PCDH8: variants seen among roughly 807,000 people sequenced by gnomAD.
PCDH8 encodes protocadherin-8.
Under a neutral mutation model 58.2 loss-of-function variants are expected in PCDH8, and 36 were observed. The ratio of observed to expected loss-of-function variants is 0.62; its 90% confidence interval spans 0.47 to 0.82. The LOEUF (loss-of-function observed/expected upper bound fraction) is 0.82. Among genes scored for constraint, PCDH8 ranks in the 40% least tolerant of loss-of-function variants. The pLI is 0.00. For synonymous variants in PCDH8, 775 were observed against 728.9 expected (o/e 1.06, Z -1.02); for missense variants, 1,493 against 1,567.8 (o/e 0.95, Z 0.81).
In PCDH8 at chr13:52,843,778, A is replaced by T. The variant is rs373026343; in HGVS notation, c.*782T>A. ...TATAGACTAATACATATGGAGATGCACATAATTTATGAAATCAACACACGT... is the reference window on the plus strand; with the variant it reads ...TATAGACTAATACATATGGAGATGCTCATAATTTATGAAATCAACACACGT... On this transcript the variant is annotated 3_prime_UTR_variant, in exon 3 of 3. Transcript: ENST00000377942. 1 of 152,244 alleles carries T rather than the reference A, an allele frequency of 6.6e-6. No homozygotes were observed. Among genetic ancestry groups the T allele is most frequent in the Non-Finnish European group, 1.5e-5 (1 of 68,038 alleles). 9.4% of individuals were successfully genotyped at this position (152,244 alleles called of 1,614,324 possible). A position where few individuals can be genotyped will look rare whatever the true frequency, so the allele number is the denominator to read the frequency against.
rs374933821 is a variant in PCDH8 at position 52,844,591 on chromosome 13, G to A, written c.3182C>T (p.Ser1061Phe). The change falls in exon 3 of 3, where the codon TCC becomes TTC. Residue 1061 changes from serine to phenylalanine, a missense_variant. Around this residue, in one of 3 missense-constraint regions of PCDH8, gnomAD observed 182 missense variants for 178.9 expected, o/e 1.02. Coordinates refer to ENST00000377942, the MANE Select transcript of PCDH8 (RefSeq NM_002590.4). Reference sequence around the variant, plus strand: ...ATTTTCATTGGCTCCCTTCTTCGGGGACAGGTACCTGCCAGGAGGGGACTG... The same window carrying A: ...ATTTTCATTGGCTCCCTTCTTCGGGAACAGGTACCTGCCAGGAGGGGACTG... ...LYQSPPGRYL[S>F]PKKGANENV 1.7e-5 allele frequency: 28 copies of A among 1,604,244 alleles called. No homozygotes were observed. In the African/African-American group the frequency reaches 2.8e-4, roughly 16 times the overall value.
chr13:52,846,660 C>T lies in PCDH8; in HGVS notation c.1777G>A (p.Ala593Thr). 6.2e-7 allele frequency: 1 copy of T among 1,602,648 alleles called. No individual in the cohort carries two copies. Residue 593 changes from alanine (A) to threonine (T), a missense_variant, in exon 1 of 3, where the codon GCC becomes ACC. By Grantham distance (58) the Ala-to-Thr change is moderately conservative. Around this residue, in one of 3 missense-constraint regions of PCDH8, gnomAD observed 1,307 missense variants for 1,362.7 expected, o/e 0.96. Coordinates refer to ENST00000377942, the MANE Select transcript of PCDH8 (RefSeq NM_002590.4). ...TCCAGCACGCGCACTTGCACTAGGGCGCTGCTGGAAAGCTGAGGGGAGCCG... is the reference window on the plus strand; with the variant it reads ...TCCAGCACGCGCACTTGCACTAGGGTGCTGCTGGAAAGCTGAGGGGAGCCG... ...DGGSPQLSSSALVQVRVLDQN... is the reference protein window; with the variant it reads ...DGGSPQLSSSTLVQVRVLDQN...
At position 52,847,929 on chromosome 13, in the gene PCDH8, G is replaced by A; in HGVS notation, c.508C>T (p.Gln170Ter). 1 of 1,603,468 alleles carries A rather than the reference G, an allele frequency of 6.2e-7. No individual in the cohort carries two copies. Among genetic ancestry groups the A allele is most frequent in the Non-Finnish European group, 8.5e-7 (1 of 1,177,046 alleles). ...VDEDVGANGLQTVRLAEPHSP... is the reference protein window; with the variant it reads ...VDEDVGANGL ...TGCGGCTCGGCCAGGCGCACGGTCTGCAGCCCGTTGGCGCCCACGTCCTCG... is the reference window on the plus strand; with the variant it reads ...TGCGGCTCGGCCAGGCGCACGGTCTACAGCCCGTTGGCGCCCACGTCCTCG... The change falls in exon 1 of 3, where the codon CAG becomes TAG. Residue 170 changes from glutamine to a stop codon, truncating the protein, a stop_gained. Coordinates refer to ENST00000377942, the MANE Select transcript of PCDH8 (RefSeq NM_002590.4). LOFTEE classifies it high-confidence loss of function.
Position 52,842,960 on chromosome 13 carries a change from G to T in PCDH8, c.*1600C>A, listed in dbSNP as rs1397182338. ...ATCTCACCCTGGATACTTATTAGCT[G>T]TGTGATTTTTGGCATTTTATCTAAC... On this transcript the variant is annotated 3_prime_UTR_variant, in exon 3 of 3. Coordinates refer to ENST00000377942, the MANE Select transcript of PCDH8 (RefSeq NM_002590.4). 6.6e-6 allele frequency: 1 copy of T among 151,906 alleles called. No individual in the cohort carries two copies. Among genetic ancestry groups the T allele is most frequent in the African/African-American group, 2.4e-5 (1 of 41,348 alleles). The allele number at this position is 151,906 out of a possible 1,614,324, so 9.4% of individuals were successfully genotyped here. A position where few individuals can be genotyped will look rare whatever the true frequency, so the allele number is the denominator to read the frequency against.
chr13:52,847,594 C>T lies in PCDH8; in HGVS notation c.843G>A (p.Val281=). 2 of 1,567,162 alleles carry T rather than the reference C, an allele frequency of 1.3e-6. No homozygotes were observed. Among genetic ancestry groups the T allele is most frequent in the Non-Finnish European group, 8.6e-7 (1 of 1,164,662 alleles). ...GGGTGCGGGCGCCAAATGCGAACACCACGTCGCCGTTAGGTCCCTCGTCGG... is the reference window on the plus strand; with the variant it reads ...GGGTGCGGGCGCCAAATGCGAACACTACGTCGCCGTTAGGTCCCTCGTCGG... ...ADPDEGPNGD[V]VFAFGARTPP... The change falls in exon 1 of 3, where the codon GTG becomes GTA. Residue 281 remains valine (V), a synonymous_variant. Transcript: ENST00000377942.
At position 52,847,037 on chromosome 13, in the gene PCDH8, A is replaced by G. The variant is rs775666134; in HGVS notation, c.1400T>C (p.Leu467Pro). 1 of 1,567,192 alleles carries G rather than the reference A, an allele frequency of 6.4e-7. No individual in the cohort carries two copies. Among genetic ancestry groups the G allele is most frequent in the Non-Finnish European group, 8.6e-7 (1 of 1,158,530 alleles). The change falls in exon 1 of 3, where the codon CTG becomes CCG. Residue 467 changes from leucine (L) to proline (P), a missense_variant. By Grantham distance (98) the Leu-to-Pro change is moderately conservative. Coordinates refer to ENST00000377942, the MANE Select transcript of PCDH8 (RefSeq NM_002590.4). ...GGGCGCGCCGCGATCCTCGGCCACC[A>G]GCGTCAAGTTGTACTCGGCGATGCG... ...RERIAEYNLT[L>P]VAEDRGAPPL...
In PCDH8 at chr13:52,845,929, C is replaced by G. The variant is rs1965724043; in HGVS notation, c.2508G>C (p.Ala836=). 1 of 1,483,416 alleles carries G rather than the reference C, an allele frequency of 6.7e-7. No homozygotes were observed. Among genetic ancestry groups the G allele is most frequent in the African/African-American group, 1.5e-5 (1 of 67,972 alleles). The allele number at this position is 1,483,416 out of a possible 1,614,324, so 91.9% of individuals were successfully genotyped here. ...CGACCGCAGGCGGAGGCGCGTCCGC[C>G]GCGGGGCTGCCAAAGGGCGCTTTGC... The part of the protein sequence containing the change: ...GTGKAPFGSP[A]ADAPPPAVAA... The change falls in exon 1 of 3, where the codon GCG becomes GCC. Residue 836 remains alanine (A), a synonymous_variant. Coordinates refer to ENST00000377942, the MANE Select transcript of PCDH8 (RefSeq NM_002590.4).
chr13:52,848,117 T>A lies in PCDH8; in HGVS notation c.320A>T (p.Asp107Val), dbSNP rs1305118901. The A allele has an allele frequency of 1.2e-6, 2 of 1,612,522 alleles. No homozygotes were observed. Among genetic ancestry groups the A allele is most frequent in the Non-Finnish European group, 1.7e-6 (2 of 1,179,764 alleles). ...GQAPQCVLAF[D>V]VVSFSQEQFR... Reference sequence around the variant, plus strand: ...CTGCTCCTGCGAGAAGCTGACCACATCGAAGGCCAGCACGCACTGCGGGGC... The same window carrying A: ...CTGCTCCTGCGAGAAGCTGACCACAACGAAGGCCAGCACGCACTGCGGGGC... Residue 107 changes from aspartate to valine, a missense_variant, in exon 1 of 3, where the codon GAT (aspartate) becomes GTT (valine). Physicochemically the swap from Asp to Val is radical, Grantham distance 152. This residue lies in a region of PCDH8 where 1,307 missense variants were observed against 1,362.7 expected (regional missense o/e 0.96). Coordinates refer to ENST00000377942, the MANE Select transcript of PCDH8 (RefSeq NM_002590.4).
At position 52,846,659 on chromosome 13, in the gene PCDH8, G is replaced by T; in HGVS notation, c.1778C>A (p.Ala593Asp). The T allele has an allele frequency of 6.2e-7, 1 of 1,603,112 alleles. No individual in the cohort carries two copies. The highest frequency in any genetic ancestry group is 8.5e-7 in the Non-Finnish European group (1 of 1,177,866). Residue 593 changes from alanine (A) to aspartate (D), a missense_variant, in exon 1 of 3, where the codon GCC becomes GAC. Coordinates refer to ENST00000377942, the MANE Select transcript of PCDH8 (RefSeq NM_002590.4). ...DGGSPQLSSSALVQVRVLDQN... is the reference protein window; with the variant it reads ...DGGSPQLSSSDLVQVRVLDQN... ...GTCCAGCACGCGCACTTGCACTAGG[G>T]CGCTGCTGGAAAGCTGAGGGGAGCC...
In PCDH8 at chr13:52,847,193, C is replaced by T; in HGVS notation, c.1244G>A (p.Ser415Asn). The T allele has an allele frequency of 6.9e-7, 1 of 1,453,454 alleles. No homozygotes were observed. Among genetic ancestry groups the T allele is most frequent in the Non-Finnish European group, 9.0e-7 (1 of 1,109,866 alleles). 90.0% of individuals were successfully genotyped at this position (1,453,454 alleles called of 1,614,324 possible). ...GGCGCCCGAGTCCCTGTCCGAGGTG[C>T]TGACCAGGGCCACCAGGCTCTCGCG... ...AARESLVALV[S>N]TSDRDSGANG... The change falls in exon 1 of 3, where the codon AGC becomes AAC. Residue 415 changes from serine (S) to asparagine (N), a missense_variant. By Grantham distance (46) the Ser-to-Asn change is conservative. Around this residue, in one of 3 missense-constraint regions of PCDH8, gnomAD observed 1,307 missense variants for 1,362.7 expected, o/e 0.96. Coordinates refer to ENST00000377942, the MANE Select transcript of PCDH8 (RefSeq NM_002590.4).
rs1275829163 is a variant in PCDH8, at chr13:52,848,180, C to T, written c.257G>A (p.Gly86Glu). The T allele has an allele frequency of 6.2e-7, 1 of 1,612,654 alleles. No individual in the cohort carries two copies. The highest frequency in any genetic ancestry group is 1.1e-5 in the South Asian group (1 of 91,020). The change falls in exon 1 of 3, where the codon GGG (glycine) becomes GAG (glutamate). Residue 86 changes from glycine (G) to glutamate (E), a missense_variant. Coordinates refer to ENST00000377942, the MANE Select transcript of PCDH8 (RefSeq NM_002590.4). ...VREGDGQLTV[G>E]DAGLDRERLC... ...CCGCTCGCGGTCCAGGCCGGCGTCC[C>T]CGACGGTCAGCTGCCCGTCGCCTTC...
chr13:52,843,804 T>C lies in PCDH8; in HGVS notation c.*756A>G, dbSNP rs992563322. ...CATAATTTATGAAATCAACACACGT[T>C]TTTAATACTTGGGTGACATTTTGCA... is the stretch of plus-strand genomic sequence containing the variant. On this transcript the variant is annotated 3_prime_UTR_variant, in exon 3 of 3. Coordinates refer to ENST00000377942, the MANE Select transcript of PCDH8 (RefSeq NM_002590.4). The C allele has an allele frequency of 6.6e-6, 1 of 152,232 alleles. No homozygotes were observed. The highest frequency in any genetic ancestry group is 6.5e-5 in the Admixed American group (1 of 15,274). 9.4% of individuals were successfully genotyped at this position (152,232 alleles called of 1,614,324 possible).
chr13:52,846,087 C>T lies in PCDH8; in HGVS notation c.2350G>A (p.Gly784Arg), dbSNP rs551287635. Residue 784 changes from glycine to arginine, a missense_variant, in exon 1 of 3, where the codon GGG becomes AGG. Physicochemically the swap from Gly to Arg is moderately radical, Grantham distance 125. Coordinates refer to ENST00000377942, the MANE Select transcript of PCDH8 (RefSeq NM_002590.4). ...CNRRKKEVRK[G>R]GALREERPGA... Reference sequence around the variant, plus strand: ...GGCCGCTCTTCCCGGAGGGCCCCCCCTTTGCGCACCTCCTTCTTGCGGCGG... The same window carrying T: ...GGCCGCTCTTCCCGGAGGGCCCCCCTTTTGCGCACCTCCTTCTTGCGGCGG... 1.7e-5 allele frequency: 26 copies of T among 1,573,960 alleles called. No homozygotes were observed. Among genetic ancestry groups the T allele is most frequent in the Admixed American group, 3.5e-5 (2 of 56,916 alleles).
At chr13:52,845,049 C>A (rs572138106) in intron 2 of PCDH8, 116 bp from the exon 3 acceptor site, 7 of 1,107,220 alleles carry the variant, frequency 6.3e-6, no homozygotes, top group African/African-American at 1.6e-5. Flanking sequence ...AAAGGCTGTG[C>A]GCATAGATAT....
chr13:52,845,326 A>G, intron 2 of PCDH8, 99 bp downstream of exon 2: 1 of 1,107,402 alleles, frequency 9.0e-7, no homozygotes, highest in Non-Finnish European at 1.4e-6. Flanking sequence ...AGTGGGGAAG[A>G]GGGAAGGGGG....
rs779727551 is a variant in PCDH8 at position 52,847,629 on chromosome 13, C to G, written c.808G>C (p.Ala270Pro). ...TTAGGTCCCTCGTCGGGGTCGGCTG[C>G]GTCCAGGTCGAGAAGCAGGGAGCCC... ...PVGSLLLDLD[A>P]ADPDEGPNGD... The change falls in exon 1 of 3, where the codon GCA becomes CCA. Residue 270 changes from alanine to proline, a missense_variant. Around this residue, in one of 3 missense-constraint regions of PCDH8, gnomAD observed 1,307 missense variants for 1,362.7 expected, o/e 0.96. Transcript: ENST00000377942. The G allele has an allele frequency of 6.3e-7, 1 of 1,575,134 alleles. No homozygotes were observed. The highest frequency in any genetic ancestry group is 8.6e-7 in the Non-Finnish European group (1 of 1,169,544).
Position 52,846,163 on chromosome 13 carries a change from C to T in PCDH8, c.2274G>A (p.Gly758=). Residue 758 remains glycine (G), a synonymous_variant, in exon 1 of 3, where the codon GGG becomes GGA. Coordinates refer to ENST00000377942, the MANE Select transcript of PCDH8 (RefSeq NM_002590.4). Reference sequence around the variant, plus strand: ...TGGCGGCCAGCAGCAGCGTGCAGCTCCCGGCCAGCACGATGATGACGATCA... The same window carrying T: ...TGGCGGCCAGCAGCAGCGTGCAGCTTCCGGCCAGCACGATGATGACGATCA... The part of the protein sequence containing the change: ...TPLIVIIVLA[G]SCTLLLAAII... The T allele has an allele frequency of 6.3e-7, 1 of 1,587,306 alleles. No individual in the cohort carries two copies.
Position 52,848,537 on chromosome 13 carries a change from C to A in PCDH8, c.-101G>T. 4 of 1,453,574 alleles carry A rather than the reference C, an allele frequency of 2.8e-6. No individual in the cohort carries two copies. Among genetic ancestry groups the A allele is most frequent in the Non-Finnish European group, 2.7e-6 (3 of 1,108,196 alleles). The allele number at this position is 1,453,574 out of a possible 1,614,324, so 90.0% of individuals were successfully genotyped here. A position where few individuals can be genotyped will look rare whatever the true frequency, so the allele number is the denominator to read the frequency against. ...TCTCGGAATCACGCTCTTTGCGAGCCCTGTGCGGGAGAAGTCTGCGGGTAG... is the reference window on the plus strand; with the variant it reads ...TCTCGGAATCACGCTCTTTGCGAGCACTGTGCGGGAGAAGTCTGCGGGTAG... On this transcript the variant is annotated 5_prime_UTR_variant, in exon 1 of 3. Coordinates refer to ENST00000377942, the MANE Select transcript of PCDH8 (RefSeq NM_002590.4).
In PCDH8 at chr13:52,844,576, G is replaced by A. The variant is rs1046627341; in HGVS notation, c.3197C>T (p.Ala1066Val). Reference protein sequence around the residue: ...PGRYLSPKKGANENV With the variant: ...PGRYLSPKKGVNENV ...AGCATGGGATTACACATTTTCATTGGCTCCCTTCTTCGGGGACAGGTACCT... is the reference window on the plus strand; with the variant it reads ...AGCATGGGATTACACATTTTCATTGACTCCCTTCTTCGGGGACAGGTACCT... The change falls in exon 3 of 3, where the codon GCC becomes GTC. Residue 1066 changes from alanine to valine, a missense_variant. Transcript: ENST00000377942. 1.3e-6 allele frequency: 2 copies of A among 1,591,912 alleles called. No homozygotes were observed. Among genetic ancestry groups the A allele is most frequent in the East Asian group, 2.2e-5 (1 of 44,674 alleles).
Sources: gnomAD v4.1 joint callset for allele counts on GRCh38, gnomAD v4.1.1 for gene constraint, gnomAD v4.1.1 regional missense constraint, MANE v1.5 for transcripts, NCBI Gene and HGNC (gene_info 2026-07-23, HGNC 2026-07-21) for gene names.